SLC24A2: variants seen among roughly 807,000 people sequenced by gnomAD.
SLC24A2 encodes the protein solute carrier family 24 member 2, also known as sodium/potassium/calcium exchanger 2.
SLC24A2 carries 36 observed loss-of-function variants against 62.0 expected under a neutral mutation model. That is an observed-to-expected ratio of 0.58 (90% CI 0.44 to 0.77). SLC24A2 has a LOEUF of 0.77. Ranked by LOEUF, SLC24A2 falls within the 30% of genes least tolerant of loss-of-function variation. The pLI is 0.00. For synonymous variants in SLC24A2, 358 were observed against 294.0 expected (o/e 1.22, Z -2.23); for missense variants, 846 against 817.9 (o/e 1.03, Z -0.42).
chr9:19,673,868 T>C (rs1469166972), intron 2 of SLC24A2, among the ~76,000 whole-genome samples: 2 of 152,234 alleles, frequency 1.3e-5, no homozygotes, highest in African/African-American at 4.8e-5. Flanking sequence ...TTACACTCAA[T>C]GCTAGTATTG....
At chr9:20,036,949 G>A in the SLC24A2 span, among the ~76,000 whole-genome samples, 3 of 152,012 alleles carry the variant, frequency 2.0e-5, no homozygotes, top group Non-Finnish European at 2.9e-5. Context: ...AGGCTGGAGT[G>A]CAATGGCGTG....
chr9:20,226,553 G>A, the SLC24A2 span, among the ~76,000 whole-genome samples: 1 of 152,152 alleles, frequency 6.6e-6, no homozygotes, highest in African/African-American at 2.4e-5. Context: ...GGCGGCCAGA[G>A]ATGAATTGTG....
At chr9:19,664,915 C>T (rs753166245) in intron 2 of SLC24A2, among the ~76,000 whole-genome samples, 1 of 152,190 alleles carries the variant, frequency 6.6e-6, no homozygotes, top group African/African-American at 2.4e-5. Context: ...TTCTAGCCTA[C>T]AGGACTATGA....
In SLC24A2 at chr9:19,786,806, G is replaced by C. The variant is rs1275167189; in HGVS notation, c.61C>G (p.Leu21Val). The C allele has an allele frequency of 2.5e-6, 4 of 1,611,444 alleles. No individual in the cohort carries two copies. The highest frequency in any genetic ancestry group is 3.4e-5 in the Admixed American group (2 of 59,422). Residue 21 changes from leucine to valine, a missense_variant, in exon 2 of 11, where the codon CTG (leucine) becomes GTG (valine). Coordinates refer to ENST00000341998, the MANE Select transcript of SLC24A2 (RefSeq NM_020344.4). This position sits in a 1 kb window ranked among gnomAD's most constrained non-coding sequence, Gnocchi z 5.0. ...CTATAATGTCTTCTGCAGCCAGACA[G>C]TGACTCATCCAAACACCATTTCTCT... ...SLEKWCLDES[L>V]SGCRRHYSVK...
chr9:19,582,798 G>C (rs776482995), intron 5 of SLC24A2, among the ~76,000 whole-genome samples: 1 of 151,966 alleles, frequency 6.6e-6, no homozygotes, highest in Non-Finnish European at 1.5e-5. Context: ...GTTATCCTGG[G>C]CTCCCCTGTT....
the SLC24A2 span, among the ~76,000 whole-genome samples, chr9:20,238,215 C>G: frequency 1.1e-4 from 16 of 152,148 alleles, no homozygotes; most frequent in Admixed American, 3.3e-4. Context: ...TCATTTCACC[C>G]TCACATCCAC....
the SLC24A2 span, among the ~76,000 whole-genome samples, chr9:19,874,591 A>G: frequency 6.6e-6 from 1 of 152,334 alleles, no homozygotes; most frequent in Admixed American, 6.5e-5. Context: ...TCAAATTTTC[A>G]TGTCAATGTC....
chr9:19,917,315 A>G, the SLC24A2 span, among the ~76,000 whole-genome samples: 2 of 147,460 alleles, frequency 1.4e-5, no homozygotes, highest in Non-Finnish European at 3.0e-5. Flanking sequence ...CTTAAAGTTT[A>G]TATTTGGTAG....
At chr9:19,911,354 A>C in the SLC24A2 span, among the ~76,000 whole-genome samples, 2 of 151,946 alleles carry the variant, frequency 1.3e-5, no homozygotes, top group African/African-American at 4.8e-5. Flanking sequence ...TCTTTGCTAT[A>C]GTGAATAGTG....
chr9:19,724,366 A>AT (rs1821111741), intron 2 of SLC24A2, among the ~76,000 whole-genome samples: 1 of 152,212 alleles, frequency 6.6e-6, no homozygotes, highest in Non-Finnish European at 1.5e-5. Context: ...ACATGACACA[A>AT]TAAGAGCAAG....
the SLC24A2 span, among the ~76,000 whole-genome samples, chr9:20,119,149 T>C: frequency 6.6e-6 from 1 of 152,128 alleles, no homozygotes; most frequent in Non-Finnish European, 1.5e-5. Flanking sequence ...ATAATTATAC[T>C]AATAACCTAA....
chr9:19,975,376 G>T, the SLC24A2 span, among the ~76,000 whole-genome samples: 2 of 152,168 alleles, frequency 1.3e-5, no homozygotes, highest in African/African-American at 4.8e-5. Context: ...TCTGCTACAT[G>T]AATTCTTCCA....
chr9:20,123,739 G>C, the SLC24A2 span, among the ~76,000 whole-genome samples: 2 of 152,122 alleles, frequency 1.3e-5, no homozygotes, highest in Non-Finnish European at 2.9e-5. Context: ...CATCTAGTAA[G>C]TAACAATGCT....
At chr9:19,875,046 T>C in the SLC24A2 span, among the ~76,000 whole-genome samples, 1 of 151,468 alleles carries the variant, frequency 6.6e-6, no homozygotes, top group Non-Finnish European at 1.5e-5. Context: ...GCCTTATGTA[T>C]TTGTTTTTAA....
chr9:20,030,394 G>A, the SLC24A2 span, among the ~76,000 whole-genome samples: 2 of 152,178 alleles, frequency 1.3e-5, no homozygotes, highest in Non-Finnish European at 2.9e-5. Flanking sequence ...AGCTGCTACG[G>A]TAACCGAGCT....
chr9:20,206,080 T>C, the SLC24A2 span, among the ~76,000 whole-genome samples: 4 of 152,194 alleles, frequency 2.6e-5, no homozygotes, highest in Admixed American at 2.0e-4. Flanking sequence ...GAGTATAAGA[T>C]AGACCAATAA....
At chr9:19,928,555 C>T in the SLC24A2 span, 2 of 152,272 alleles carry the variant, frequency 1.3e-5, no homozygotes, top group East Asian at 1.9e-4. Context: ...TCTAGCCCAA[C>T]GTTTTTGGTA....
the SLC24A2 span, among the ~76,000 whole-genome samples, chr9:20,109,822 A>G: frequency 6.6e-6 from 1 of 152,150 alleles, no homozygotes; most frequent in African/African-American, 2.4e-5. Flanking sequence ...GAGGAACCCA[A>G]CACACAAGGA....
At chr9:19,835,717 C>G in the SLC24A2 span, among the ~76,000 whole-genome samples, 3 of 152,226 alleles carry the variant, frequency 2.0e-5, no homozygotes. Flanking sequence ...AGCTCTGCAA[C>G]AAGCAGACCT....
Sources: gnomAD v4.1 joint callset for allele counts (sites outside exome capture counted in the v4.1 genomes callset) on GRCh38, gnomAD v4.1.1 for gene constraint, Gnocchi (gnomAD v3.1) non-coding constraint, MANE v1.5 for transcripts, NCBI Gene and HGNC (gene_info 2026-07-23, HGNC 2026-07-21) for gene names.